Variants in GFPT2 observed in about 807,000 individuals in gnomAD.
GFPT2 encodes glutamine--fructose-6-phosphate aminotransferase [isomerizing] 2.
A neutral mutation model predicts 85.6 loss-of-function variants in GFPT2; 62 were observed. That is an observed-to-expected ratio of 0.72 (90% CI 0.59 to 0.90). The LOEUF is 0.90. Ranked by LOEUF, GFPT2 falls within the 40% of genes least tolerant of loss-of-function variation. The pLI is 0.00. For missense variants in GFPT2, 788 were observed against 893.4 expected (o/e 0.88, Z 1.50); for synonymous variants, 368 against 344.5 (o/e 1.07, Z -0.75).
rs1763747065 is a variant in GFPT2, at chr5:180,304,947, C to T, written c.1675-8G>A. 1.3e-6 allele frequency: 2 copies of T among 1,599,334 alleles called. No homozygotes were observed. Among genetic ancestry groups the T allele is most frequent in the Non-Finnish European group, 1.7e-6 (2 of 1,167,880 alleles). ...GGTTATCTCTTTAATTTTCTGGAAACAGGAGGTGAGATCAGAGTCACACTG... is the reference window on the plus strand; with the variant it reads ...GGTTATCTCTTTAATTTTCTGGAAATAGGAGGTGAGATCAGAGTCACACTG... On this transcript the variant is annotated splice_polypyrimidine_tract_variant and splice_region_variant and intron_variant, in intron 16 of 18. Coordinates refer to ENST00000253778, the MANE Select transcript of GFPT2 (RefSeq NM_005110.4).
At chr5:180,333,200 AT>A (rs1301610765) in intron 4 of GFPT2, among the ~76,000 whole-genome samples, 1 of 149,214 alleles carries the variant, frequency 6.7e-6, no homozygotes, top group Non-Finnish European at 1.5e-5. Flanking sequence ...CCCCTTCTCC[AT>A]TTTTTTATAT....
rs1474392651 is a variant in GFPT2 at position 180,313,802 on chromosome 5, C to A, written c.1431+5G>T. 1 of 1,547,496 alleles carries A rather than the reference C, an allele frequency of 6.5e-7. No homozygotes were observed. Among genetic ancestry groups the A allele is most frequent in the Non-Finnish European group, 8.7e-7 (1 of 1,151,174 alleles). On this transcript the variant is annotated splice_donor_5th_base_variant and intron_variant, in intron 14 of 18. Transcript: ENST00000253778. ...CCTGGGACGGGCGCCCGTGGCTCCT[C>A]CTACCTTGGTGCTGGCCACGCCGAT...
intron 13 of GFPT2, among the ~76,000 whole-genome samples, chr5:180,315,913 G>A (rs535652545): frequency 5.9e-5 from 9 of 152,324 alleles, no homozygotes; most frequent in Admixed American, 3.9e-4. Context: ...CAGGCAGCTC[G>A]GCTTGGACAC....
At chr5:180,310,619 C>G (rs1330751621) in intron 15 of GFPT2, among the ~76,000 whole-genome samples, 2 of 151,678 alleles carry the variant, frequency 1.3e-5, no homozygotes, top group Non-Finnish European at 2.9e-5. Context: ...CCATGTTGAC[C>G]AGGATGGTCT....
At chr5:180,317,552 G>T (rs1258561528) in intron 10 of GFPT2, among the ~76,000 whole-genome samples, 2 of 151,254 alleles carry the variant, frequency 1.3e-5, no homozygotes, top group African/African-American at 4.9e-5. Context: ...GAAGTCAGGA[G>T]ATCGAGACCA....
At chr5:180,351,924 G>A (rs1039242281) in intron 1 of GFPT2, among the ~76,000 whole-genome samples, 3 of 152,196 alleles carry the variant, frequency 2.0e-5, no homozygotes, top group Non-Finnish European at 2.9e-5. Context: ...TTGGCCAAGG[G>A]TCTTGAATGC....
intron 18 of GFPT2, among the ~76,000 whole-genome samples, 153 bp downstream of exon 18, chr5:180,302,270 G>GA (rs1454879600): frequency 6.9e-6 from 1 of 145,120 alleles, no homozygotes; most frequent in Non-Finnish European, 1.5e-5. Context: ...CTGGGCGACA[G>GA]AGCGAGACTC....
chr5:180,309,980 T>G (rs1763849617), intron 15 of GFPT2, among the ~76,000 whole-genome samples: 1 of 150,494 alleles, frequency 6.6e-6, no homozygotes, highest in Non-Finnish European at 1.5e-5. Flanking sequence ...CCGGCTAATT[T>G]TTTGTATTTT....
intron 1 of GFPT2, among the ~76,000 whole-genome samples, chr5:180,345,443 A>G (rs1764587086): frequency 6.6e-6 from 1 of 152,242 alleles, no homozygotes; most frequent in Non-Finnish European, 1.5e-5. Flanking sequence ...GGAGGTGGGA[A>G]AGGGCTTCCC....
intron 18 of GFPT2, 61 bp from the exon 19 acceptor site, chr5:180,301,669 A>G: frequency 3.0e-6 from 4 of 1,344,346 alleles, no homozygotes; most frequent in Non-Finnish European, 4.3e-6. Flanking sequence ...GCTACCTCTC[A>G]CAGACAATTT....
chr5:180,317,056 T>C lies in GFPT2; in HGVS notation c.961A>G (p.Asn321Asp), dbSNP rs1420226918. The C allele has an allele frequency of 6.3e-7, 1 of 1,580,132 alleles. No individual in the cohort carries two copies. Among genetic ancestry groups the C allele is most frequent in the Non-Finnish European group, 8.7e-7 (1 of 1,149,022 alleles). The change falls in exon 11 of 19, where the codon AAC becomes GAC. Residue 321 changes from asparagine to aspartate, a missense_variant and splice_region_variant. Asn to Asp is a conservative substitution (Grantham distance 23, BLOSUM62 1). Transcript: ENST00000253778. ...TCCTTCTGCATAAACGCACTGAAGT[T>C]ACCTGGTCAAATAAACGTCTGGTCA... Reference protein sequence around the residue: ...QMELQQIMKGNFSAFMQKEIF... With the variant: ...QMELQQIMKGDFSAFMQKEIF...
At chr5:180,352,925 G>A (rs1285815518) in intron 1 of GFPT2, 7 of 438,522 alleles carry the variant, frequency 1.6e-5, no homozygotes, top group Non-Finnish European at 4.0e-6. Flanking sequence ...GACCGGACCA[G>A]GTCCCTCCCC....
At chr5:180,310,832 C>CAAAAAAAAAAAAA (rs3080055) in intron 15 of GFPT2, among the ~76,000 whole-genome samples, 1 of 50,582 alleles carries the variant, frequency 2.0e-5, no homozygotes, top group Non-Finnish European at 3.3e-5. Context: ...TGGACACAGG[C>CAAAAAAAAAAAAA]AAAAAAAAAA....
At chr5:180,346,672 C>T (rs1224916087) in intron 1 of GFPT2, among the ~76,000 whole-genome samples, 3 of 150,956 alleles carry the variant, frequency 2.0e-5, no homozygotes, top group Non-Finnish European at 4.4e-5. Flanking sequence ...GCGTGCGCCC[C>T]TGGGGCCCCC....
chr5:180,301,345 A>T lies in GFPT2; in HGVS notation c.*219T>A, dbSNP rs1361398045. On this transcript the variant is annotated 3_prime_UTR_variant, in exon 19 of 19. Transcript: ENST00000253778. ...AGTCTGCTCTGATCCCCATGTGTAA[A>T]CAATGATTCCCTTCTCCTCTGGCGA... 1.2e-5 allele frequency: 7 copies of T among 597,320 alleles called. No individual in the cohort carries two copies. Among genetic ancestry groups the T allele is most frequent in the Non-Finnish European group, 2.1e-5 (7 of 334,744 alleles). The allele number at this position is 597,320 out of a possible 1,614,324, so 37.0% of individuals were successfully genotyped here.
intron 9 of GFPT2, among the ~76,000 whole-genome samples, chr5:180,321,244 C>T (rs929217067): frequency 6.6e-6 from 1 of 151,320 alleles, no homozygotes; most frequent in Non-Finnish European, 1.5e-5. Flanking sequence ...CCTATCCTGT[C>T]TCCGAGAGAT....
chr5:180,352,418 C>A (rs1022381700), intron 1 of GFPT2: 5 of 454,848 alleles, frequency 1.1e-5, no homozygotes, highest in African/African-American at 6.0e-5. Context: ...CCAGCGGAGG[C>A]GGCCCAGCCA....
At chr5:180,316,508 G>A (rs1313587217) in intron 12 of GFPT2, 47 bp from the exon 13 acceptor site, 10 of 1,609,962 alleles carry the variant, frequency 6.2e-6, no homozygotes, top group African/African-American at 4.0e-5. Context: ...TCACAGGCAC[G>A]ACAGGGACAT....
In GFPT2 at chr5:180,300,966, T is replaced by A. The variant is rs1343061903; in HGVS notation, c.*598A>T. ...GAGGCTGAGATTTCAACTGGACTTA[T>A]AGGAGGCATAGGTGGATGCAGGAGG... is the stretch of plus-strand genomic sequence containing the variant. On this transcript the variant is annotated 3_prime_UTR_variant, in exon 19 of 19. Coordinates refer to ENST00000253778, the MANE Select transcript of GFPT2 (RefSeq NM_005110.4). 6.5e-6 allele frequency: 1 copy of A among 152,788 alleles called. No homozygotes were observed. Among genetic ancestry groups the A allele is most frequent in the Non-Finnish European group, 1.5e-5 (1 of 68,230 alleles). The allele number at this position is 152,788 out of a possible 1,614,324, so 9.5% of individuals were successfully genotyped here.
Sources: gnomAD v4.1 joint callset for allele counts (sites outside exome capture counted in the v4.1 genomes callset) on GRCh38, gnomAD v4.1.1 for gene constraint, MANE v1.5 for transcripts, NCBI Gene and HGNC (gene_info 2026-07-23, HGNC 2026-07-21) for gene names.